The following KCNC4 variants were observed in gnomAD, a reference collection of about 807,000 sequenced individuals.
KCNC4 encodes the protein voltage-gated potassium channel KCNC4.
Under a neutral mutation model 42.8 loss-of-function variants are expected in KCNC4, and 23 were observed. That is an observed-to-expected ratio of 0.54 (90% CI 0.39 to 0.76). The LOEUF is 0.76. Among genes scored for constraint, KCNC4 ranks in the 30% least tolerant of loss-of-function variants. KCNC4 has a pLI of 0.00. For synonymous variants in KCNC4, 422 were observed against 393.5 expected, an observed-to-expected ratio of 1.07 and a Z score of -0.86; for missense variants, 751 against 898.2, an observed-to-expected ratio of 0.84 and a Z score of 2.10.
chr1:110,240,503 CAAAG>C (rs2101054331), exon 4 of KCNC4: 1 of 152,438 alleles, frequency 6.6e-6, no homozygotes, highest in Non-Finnish European at 1.5e-5. Context: ...TCATAGCAAA[CAAAG>C]GAAAACAAAC....
chr1:110,211,200 C>T lies in KCNC4; in HGVS notation c.-300C>T. ...CCCGGCCCAGAGCGTTTGTGTGTCC[C>T]GTCGTAGCGGGGGACCGCGTGTGTG... On this transcript the variant is annotated 5_prime_UTR_variant, in exon 1 of 4. Transcript: ENST00000438661. This position sits in a 1 kb window ranked among gnomAD's most constrained non-coding sequence, Gnocchi z 6.5. 2.4e-6 allele frequency: 1 copy of T among 416,574 alleles called. No homozygotes were observed. Among genetic ancestry groups the T allele is most frequent in the Admixed American group, 4.0e-5 (1 of 24,832 alleles). The allele number at this position is 416,574 out of a possible 1,614,324, so 25.8% of individuals were successfully genotyped here.
At chr1:110,232,401 G>A in intron 3 of KCNC4, 2 of 1,531,120 alleles carry the variant, frequency 1.3e-6, no homozygotes. Context: ...GGTGACAGCA[G>A]ATGGAGCTAC....
At position 110,211,621 on chromosome 1, in the gene KCNC4, A is replaced by G; in HGVS notation, c.122A>G (p.Asn41Ser). 1 of 1,613,952 alleles carries G rather than the reference A, an allele frequency of 6.2e-7. No homozygotes were observed. Among genetic ancestry groups the G allele is most frequent in the Non-Finnish European group, 8.5e-7 (1 of 1,179,946 alleles). Residue 41 changes from asparagine (N) to serine (S), a missense_variant, in exon 1 of 4, where the codon AAC becomes AGC. Physicochemically the swap from Asn to Ser is conservative, Grantham distance 46. This residue lies in a region of KCNC4 where 183 missense variants were observed against 255.8 expected (regional missense o/e 0.72). Transcript: ENST00000438661. The surrounding 1 kb of genome is among the most constrained non-coding windows in gnomAD (Gnocchi z 6.5). The stretch of plus-strand genomic sequence containing the variant: ...GAGGCGTCGGAGAAGATCATCATCA[A>G]CGTGGGCGGCACGCGACATGAGACC... ...KGEASEKIII[N>S]VGGTRHETYR...
chr1:110,248,402 C>T (rs1659192013), exon 4 of KCNC4: 1 of 151,572 alleles, frequency 6.6e-6, no homozygotes, highest in Non-Finnish European at 1.5e-5. Context: ...TAATTAAGGG[C>T]TCAAAGTGTG....
Position 110,226,084 on chromosome 1 carries a change from A to G in KCNC4, c.1725A>G (p.Arg575=), listed in dbSNP as rs766376210. 16 of 1,613,730 alleles carry G rather than the reference A, an allele frequency of 9.9e-6. No individual in the cohort carries two copies. Among genetic ancestry groups the G allele is most frequent in the Non-Finnish European group, 8.5e-7 (1 of 1,179,954 alleles). ...CCCCCGAGGAGCGCCGGGCCCTGCG[A>G]CGCTCCACCACTCGAGACAGAAACA... is the stretch of plus-strand genomic sequence containing the variant. ...SPTPEERRAL[R]RSTTRDRNKK... is the part of the protein sequence containing the mutation. Residue 575 remains arginine, a synonymous_variant, in exon 3 of 4, where the codon CGA becomes CGG. Coordinates refer to ENST00000438661, the MANE Select transcript of KCNC4 (RefSeq NM_001039574.3).
chr1:110,246,129 CTGACCTCATGT>C (rs1331090744), exon 4 of KCNC4: 1 of 152,228 alleles, frequency 6.6e-6, no homozygotes. Flanking sequence ...TGGGATTTCT[CTGACCTCATGT>C]TAACCCGACC....
intron 1 of KCNC4, among the ~76,000 whole-genome samples, chr1:110,214,979 C>CG (rs1275679289): frequency 2.6e-5 from 4 of 152,168 alleles, no homozygotes; most frequent in Non-Finnish European, 5.9e-5. Context: ...CTGTTCCCCC[C>CG]GGTATATGTG....
rs779053750 is a variant in KCNC4, at chr1:110,223,129, A to G, written c.844A>G (p.Thr282Ala). ...RREVETEPIL[T>A]YIEGVCVLWF... is the part of the protein sequence containing the mutation. ...GGAGGTAGAGACAGAGCCCATCCTGACCTACATCGAGGGCGTATGTGTGCT... is the reference window on the plus strand; with the variant it reads ...GGAGGTAGAGACAGAGCCCATCCTGGCCTACATCGAGGGCGTATGTGTGCT... Residue 282 changes from threonine (T) to alanine (A), a missense_variant, in exon 2 of 4, where the codon ACC becomes GCC. Coordinates refer to ENST00000438661, the MANE Select transcript of KCNC4 (RefSeq NM_001039574.3). The surrounding 1 kb of genome is among the most constrained non-coding windows in gnomAD (Gnocchi z 7.5). The G allele has an allele frequency of 6.2e-7, 1 of 1,614,122 alleles. No individual in the cohort carries two copies. The highest frequency in any genetic ancestry group is 1.1e-5 in the South Asian group (1 of 91,078).
chr1:110,261,044 T>C (rs1243432525), intron 1 of KCNC4, among the ~76,000 whole-genome samples: 1 of 152,270 alleles, frequency 6.6e-6, no homozygotes, highest in Non-Finnish European at 1.5e-5. Flanking sequence ...TAGCTAATGA[T>C]AGCAGAAAAT....
At position 110,233,402 on chromosome 1, in the gene KCNC4, G is replaced by T. The variant is rs922302229; in HGVS notation, c.*430G>T. ...TGCCAGTCCAGCTGGGTAGTCCCAG[G>T]CTCCTGTCTTGGGGATGTTTCCCCT... On this transcript the variant is annotated 3_prime_UTR_variant, in exon 4 of 4. Coordinates refer to ENST00000438661, the MANE Select transcript of KCNC4 (RefSeq NM_001039574.3). The T allele has an allele frequency of 2.2e-5, 5 of 231,638 alleles. No individual in the cohort carries two copies. Among genetic ancestry groups the T allele is most frequent in the Admixed American group, 5.2e-5 (1 of 19,192 alleles). The allele number at this position is 231,638 out of a possible 1,614,324, so 14.3% of individuals were successfully genotyped here. A position where few individuals can be genotyped will look rare whatever the true frequency, so the allele number is the denominator to read the frequency against.
intron 1 of KCNC4, among the ~76,000 whole-genome samples, chr1:110,213,059 T>C (rs947370564): frequency 3.3e-5 from 5 of 151,194 alleles, no homozygotes; most frequent in African/African-American, 1.2e-4. Flanking sequence ...GAAGCACAGG[T>C]TGATTTAGGC....
intron 1 of KCNC4, among the ~76,000 whole-genome samples, chr1:110,219,023 A>G (rs1333288032): frequency 6.6e-6 from 1 of 152,154 alleles, no homozygotes; most frequent in African/African-American, 2.4e-5. Context: ...CTACTTGGGA[A>G]GTTTTGCCTT....
chr1:110,259,338 C>T (rs1659388108), intron 1 of KCNC4, among the ~76,000 whole-genome samples: 2 of 152,232 alleles, frequency 1.3e-5, no homozygotes, highest in African/African-American at 4.8e-5. Context: ...AAGCAAGGAT[C>T]AGTCTATTCC....
chr1:110,211,152 C>T lies in KCNC4; in HGVS notation c.-348C>T, dbSNP rs890853315. 6.6e-6 allele frequency among the ~76,000 whole-genome samples: 1 copy of T among 152,230 alleles called. No homozygotes were observed. The highest frequency in any genetic ancestry group is 2.4e-5 in the African/African-American group (1 of 41,464). On this transcript the variant is annotated 5_prime_UTR_variant, in exon 1 of 4. Coordinates refer to ENST00000438661, the MANE Select transcript of KCNC4 (RefSeq NM_001039574.3). The surrounding 1 kb of genome is among the most constrained non-coding windows in gnomAD (Gnocchi z 6.5). ...GACTGTGCGCTTCCTCGTCTTTGGT[C>T]GGGGTGAAGGCGGGGGCGTGTCCCC... is the stretch of plus-strand genomic sequence containing the variant.
chr1:110,245,014 T>C (rs1659114341), exon 4 of KCNC4: 1 of 152,230 alleles, frequency 6.6e-6, no homozygotes, highest in Admixed American at 6.5e-5. Flanking sequence ...CCTTCCTCTC[T>C]CCCTTCTTTT....
At chr1:110,216,785 C>G (rs1054445910) in intron 1 of KCNC4, among the ~76,000 whole-genome samples, 1 of 152,192 alleles carries the variant, frequency 6.6e-6, no homozygotes, top group Non-Finnish European at 1.5e-5. Flanking sequence ...GCCCTGCTCC[C>G]TGCTGGAATT....
At chr1:110,213,478 G>C (rs187199105) in intron 1 of KCNC4, among the ~76,000 whole-genome samples, 1 of 152,326 alleles carries the variant, frequency 6.6e-6, no homozygotes, top group East Asian at 1.9e-4. Context: ...TAGGGAATTG[G>C]GGAACAGGCC....
intron 3 of KCNC4, chr1:110,232,270 A>C: frequency 6.2e-7 from 1 of 1,613,996 alleles, no homozygotes. Flanking sequence ...CTGAGGCTGC[A>C]TGCCCTCCAA....
intron 1 of KCNC4, 101 bp downstream of exon 1, chr1:110,212,278 C>T: frequency 1.6e-6 from 2 of 1,227,200 alleles, no homozygotes; most frequent in Non-Finnish European, 2.1e-6. Context: ...GCCTGACTTA[C>T]CTTACCACCG....
Sources: gnomAD v4.1 joint callset for allele counts (sites outside exome capture counted in the v4.1 genomes callset) on GRCh38, gnomAD v4.1.1 for gene constraint, gnomAD v4.1.1 regional missense constraint, Gnocchi (gnomAD v3.1) non-coding constraint, MANE v1.5 for transcripts, NCBI Gene and HGNC (gene_info 2026-07-23, HGNC 2026-07-21) for gene names.